Variants in PLCB1 observed in about 807,000 individuals in gnomAD.
PLCB1 encodes phospholipase C beta 1, also known as 1-phosphatidylinositol 4,5-bisphosphate phosphodiesterase beta-1.
Under a neutral mutation model 161.8 loss-of-function variants are expected in PLCB1, and 46 were observed. That is an observed-to-expected ratio of 0.28 (90% confidence interval 0.22 to 0.36). The LOEUF (loss-of-function observed/expected upper bound fraction) is 0.36. Ranked by LOEUF, PLCB1 falls within the 10% of genes least tolerant of loss-of-function variation. PLCB1 has a pLI of 1.00. For synonymous variants in PLCB1, 517 were observed against 503.7 expected, an observed-to-expected ratio of 1.03 and a Z score of -0.35; for missense variants, 1,016 against 1,472.5, an observed-to-expected ratio of 0.69 and a Z score of 5.07.
At chr20:8,294,282 C>T (rs1983523982) in intron 2 of PLCB1, among the ~76,000 whole-genome samples, 1 of 152,092 alleles carries the variant, frequency 6.6e-6, no homozygotes, top group Non-Finnish European at 1.5e-5. Flanking sequence ...AGACAGTAGA[C>T]ACAGTCATTC....
intron 3 of PLCB1, among the ~76,000 whole-genome samples, chr20:8,504,376 A>G (rs1265134626): frequency 6.6e-6 from 1 of 152,226 alleles, no homozygotes; most frequent in Non-Finnish European, 1.5e-5. Flanking sequence ...CGAAGTGGGC[A>G]GAGACATGCA....
intron 3 of PLCB1, among the ~76,000 whole-genome samples, chr20:8,595,300 T>G (rs1200985109): frequency 7.0e-6 from 1 of 142,244 alleles, no homozygotes; most frequent in African/African-American, 2.6e-5. Flanking sequence ...GCTTCCTGTG[T>G]CCATGTGATC....
At position 8,881,805 on chromosome 20, in the gene PLCB1, C is replaced by G; in HGVS notation, c.3607C>G (p.Leu1203Val). 1 of 1,614,110 alleles carries G rather than the reference C, an allele frequency of 6.2e-7. No individual in the cohort carries two copies. Among genetic ancestry groups the G allele is most frequent in the Non-Finnish European group, 8.5e-7 (1 of 1,179,950 alleles). ...VNHKTPSSEE[L>V]GGDIPGKEFD... ...CCACAAGACTCCCTCCAGTGAGGAG[C>G]TGGGAGGAGACATCCCAGGAAAAGA... The change falls in exon 32 of 32, where the codon CTG becomes GTG. Residue 1203 changes from leucine (L) to valine (V), a missense_variant. Leu to Val is a conservative substitution (Grantham distance 32, BLOSUM62 1). Around this residue, in one of 10 missense-constraint regions of PLCB1, gnomAD observed 398 missense variants for 445.4 expected, o/e 0.89. Coordinates refer to ENST00000338037, the MANE Select transcript of PLCB1 (RefSeq NM_015192.4).
intron 3 of PLCB1, among the ~76,000 whole-genome samples, chr20:8,395,682 T>C (rs1180360358): frequency 6.6e-6 from 1 of 152,056 alleles, no homozygotes; most frequent in African/African-American, 2.4e-5. Context: ...CTAGACTCAG[T>C]ATTTAATTTT....
intron 2 of PLCB1, among the ~76,000 whole-genome samples, chr20:8,201,628 C>T (rs924691832): frequency 1.3e-5 from 2 of 152,050 alleles, no homozygotes; most frequent in African/African-American, 4.8e-5. Flanking sequence ...CAGAAGCTTT[C>T]CATCTCATAT....
intron 3 of PLCB1, among the ~76,000 whole-genome samples, chr20:8,428,324 G>A (rs558294382): frequency 5.9e-5 from 9 of 151,938 alleles, no homozygotes; most frequent in Admixed American, 3.3e-4. Context: ...GGGTTCAAGC[G>A]ATTCACCTGC....
chr20:8,717,370 GTTTCT>G (rs1979376874), intron 13 of PLCB1, among the ~76,000 whole-genome samples: 2 of 152,126 alleles, frequency 1.3e-5, no homozygotes, highest in African/African-American at 4.8e-5. Flanking sequence ...AGATGATTGG[GTTTCT>G]ATGTTCCATT....
chr20:8,501,378 C>G (rs6039177), intron 3 of PLCB1, among the ~76,000 whole-genome samples: 107,908 of 152,184 alleles, frequency 0.71, 38,414 homozygotes, highest in African/African-American at 0.73. Context: ...ATGCACCACA[C>G]GCTCTCAGTG....
At chr20:8,357,888 C>G (rs1986412745) in intron 2 of PLCB1, among the ~76,000 whole-genome samples, 2 of 151,088 alleles carry the variant, frequency 1.3e-5, no homozygotes, top group African/African-American at 2.4e-5. Flanking sequence ...TATGGCTTCT[C>G]TGTTCTTGGA....
chr20:8,691,161 T>A (rs562478851), intron 10 of PLCB1, among the ~76,000 whole-genome samples: 2 of 152,322 alleles, frequency 1.3e-5, no homozygotes, highest in Middle Eastern at 6.8e-3. Context: ...ATGAAACTAA[T>A]GTAGAAGTCC....
intron 2 of PLCB1, among the ~76,000 whole-genome samples, chr20:8,266,728 C>A (rs1185446814): frequency 6.6e-6 from 1 of 152,198 alleles, no homozygotes; most frequent in East Asian, 1.9e-4. Flanking sequence ...CCTATCATCT[C>A]ATCTGCCTGT....
chr20:8,554,183 ACT>A (rs1298018661), intron 3 of PLCB1, among the ~76,000 whole-genome samples: 1 of 151,646 alleles, frequency 6.6e-6, no homozygotes, highest in South Asian at 2.1e-4. Context: ...ACTTTGGAAA[ACT>A]CTCTGGCAGT....
At chr20:8,518,446 G>A (rs1238100793) in intron 3 of PLCB1, among the ~76,000 whole-genome samples, 1 of 152,156 alleles carries the variant, frequency 6.6e-6, no homozygotes, top group Non-Finnish European at 1.5e-5. Context: ...CTACTGGGGA[G>A]AAAATATCAA....
intron 24 of PLCB1, among the ~76,000 whole-genome samples, chr20:8,757,568 A>G (rs1568587094): frequency 6.6e-6 from 1 of 152,044 alleles, no homozygotes; most frequent in Non-Finnish European, 1.5e-5. Flanking sequence ...TCTTTCTCCA[A>G]CTTTCTTTTC....
intron 26 of PLCB1, among the ~76,000 whole-genome samples, chr20:8,771,645 C>G (rs1982683524): frequency 6.6e-6 from 1 of 152,064 alleles, no homozygotes; most frequent in Non-Finnish European, 1.5e-5. Context: ...ACGTTGTTCA[C>G]TTGTTTTTTT....
At chr20:8,864,615 G>A (rs987249517) in intron 31 of PLCB1, among the ~76,000 whole-genome samples, 2 of 152,156 alleles carry the variant, frequency 1.3e-5, no homozygotes, top group African/African-American at 2.4e-5. Flanking sequence ...AATAGAGAAT[G>A]AGCCATGAAT....
chr20:8,180,957 GTGTGTGTGTGTGTA>G (rs1168501347), intron 2 of PLCB1, among the ~76,000 whole-genome samples: 2 of 151,672 alleles, frequency 1.3e-5, no homozygotes, highest in Admixed American at 1.3e-4. Context: ...GTGTGTGTGT[GTGTGTGTGTGTGTA>G]TGTATGTGTG....
At chr20:8,532,297 C>T (rs1984844914) in intron 3 of PLCB1, among the ~76,000 whole-genome samples, 1 of 152,162 alleles carries the variant, frequency 6.6e-6, no homozygotes. Flanking sequence ...TACTAAGTAC[C>T]TAGGCACAGC....
In PLCB1 at chr20:8,167,211, C is replaced by T. The variant is rs188784411; in HGVS notation, c.177+16840C>T. Among the ~76,000 whole-genome samples the T allele has an allele frequency of 5.3e-3, 802 of 152,280 alleles. 4 individuals are homozygous for T. Among genetic ancestry groups the T allele is most frequent in the Non-Finnish European group, 7.5e-3 (512 of 68,014 alleles). ...ACCCCCAGGGCAGATGCTTGTCTGT[C>T]TTATTGACTGCTGTATTTTCATGAG... On this transcript the variant is annotated intron_variant, in intron 2 of 31. Transcript: ENST00000338037.
Sources: gnomAD v4.1 joint callset for allele counts (sites outside exome capture counted in the v4.1 genomes callset) on GRCh38, gnomAD v4.1.1 for gene constraint, gnomAD v4.1.1 regional missense constraint, MANE v1.5 for transcripts, NCBI Gene and HGNC (gene_info 2026-07-23, HGNC 2026-07-21) for gene names.